The following PARVG variants were observed in gnomAD, a reference collection of about 807,000 sequenced individuals.
PARVG encodes the protein gamma-parvin.
In PARVG, 36 loss-of-function variants were observed where a neutral mutation model predicts 44.4. The ratio of observed to expected loss-of-function variants is 0.81; its 90% CI spans 0.62 to 1.07. The LOEUF (loss-of-function observed/expected upper bound fraction) is 1.07, where lower values mean the gene tolerates loss of function less well. PARVG is among the 50% of genes least tolerant of loss of function. The pLI is 0.00. For missense variants in PARVG, 407 were observed against 407.4 expected (o/e 1.00, Z 0.01); for synonymous variants, 170 against 174.1 (o/e 0.98, Z 0.19).
At chr22:44,174,193 A>T (rs1331181569) in intron 1 of PARVG, among the ~76,000 whole-genome samples, 3 of 150,480 alleles carry the variant, frequency 2.0e-5, no homozygotes, top group Admixed American at 1.3e-4. Flanking sequence ...CCCAGAAAGG[A>T]GGGGTGCGGG....
intron 4 of PARVG, chr22:44,186,378 C>T: frequency 2.8e-6 from 1 of 353,954 alleles, no homozygotes; most frequent in Middle Eastern, 4.0e-4. Context: ...GCCACTGGAC[C>T]AGCTCGGCAC....
chr22:44,201,995 C>G (rs528043208), intron 12 of PARVG, among the ~76,000 whole-genome samples: 6 of 152,336 alleles, frequency 3.9e-5, no homozygotes, highest in Middle Eastern at 3.4e-3. Flanking sequence ...ATGGGACAGC[C>G]CTGCAAAGTG....
exon 1 of PARVG, chr22:44,173,034 G>A (rs966305294): frequency 2.0e-5 from 26 of 1,289,662 alleles, no homozygotes; most frequent in South Asian, 7.4e-5. Flanking sequence ...GTGCCAGGGC[G>A]TTGTGACTCC....
intron 12 of PARVG, among the ~76,000 whole-genome samples, chr22:44,204,453 G>A (rs1042479755): frequency 2.6e-5 from 4 of 152,266 alleles, no homozygotes; most frequent in African/African-American, 9.6e-5. Context: ...TGTGTGACTT[G>A]TCCGAGGTCA....
At chr22:44,177,177 G>T (rs1386772491), upstream of PARVG, among the ~76,000 whole-genome samples, 1 of 151,972 alleles carries the variant, frequency 6.6e-6, no homozygotes, top group South Asian at 2.1e-4. Context: ...TGCCTCTCTC[G>T]ATATAATAAT....
intron 12 of PARVG, among the ~76,000 whole-genome samples, chr22:44,202,432 G>A (rs1262968309): frequency 6.6e-6 from 1 of 152,228 alleles, no homozygotes; most frequent in African/African-American, 2.4e-5. Context: ...CAGGGCCTCT[G>A]CTCAATCTGT....
chr22:44,192,369 G>T (rs949569339), intron 8 of PARVG, among the ~76,000 whole-genome samples: 1 of 152,206 alleles, frequency 6.6e-6, no homozygotes, highest in African/African-American at 2.4e-5. Flanking sequence ...TGGGTTTGGG[G>T]TACAGGGCCC....
At chr22:44,203,253 G>A (rs1276988365) in intron 12 of PARVG, among the ~76,000 whole-genome samples, 1 of 152,200 alleles carries the variant, frequency 6.6e-6, no homozygotes, top group Non-Finnish European at 1.5e-5. Context: ...TAGATGACAA[G>A]TATTTTTTTA....
At chr22:44,205,614 G>A (rs1035875398) in intron 12 of PARVG, 143 bp from the exon 13 acceptor site, 21 of 852,890 alleles carry the variant, frequency 2.5e-5, no homozygotes, top group Admixed American at 6.2e-5. Flanking sequence ...GATTGTGGTC[G>A]TGGTCAGGGA....
chr22:44,192,209 C>T, intron 8 of PARVG, 105 bp downstream of exon 8: 1 of 1,326,588 alleles, frequency 7.5e-7, no homozygotes, highest in Non-Finnish European at 1.0e-6. Flanking sequence ...GGGAAGGGCC[C>T]TCACATTCTG....
intron 5 of PARVG, 125 bp from the exon 6 acceptor site, chr22:44,188,989 A>T: frequency 7.5e-7 from 1 of 1,327,924 alleles, no homozygotes; most frequent in Non-Finnish European, 1.0e-6. Context: ...GTCCAACACC[A>T]AGAATGGGCT....
Position 44,208,467 on chromosome 22 carries a change from G to A in PARVG, c.*2041G>A, listed in dbSNP as rs1003393939. 6.6e-6 allele frequency: 1 copy of A among 152,162 alleles called. No individual in the cohort carries two copies. The highest frequency in any genetic ancestry group is 1.5e-5 in the Non-Finnish European group (1 of 68,024). 9.4% of individuals were successfully genotyped at this position (152,162 alleles called of 1,614,324 possible). On this transcript the variant is annotated 3_prime_UTR_variant, in exon 14 of 14. Transcript: ENST00000444313. ...AATTTCTTATAAACTGTATCCTATG[G>A]TATGTTGCTTTTTGTGTCTGATTTC...
rs113146799 is a variant in PARVG, at chr22:44,190,483, G to T, written c.389-68G>T. On this transcript the variant is annotated intron_variant, in intron 6 of 13. Coordinates refer to ENST00000444313, the MANE Select transcript of PARVG (RefSeq NM_022141.7). ...TGCAGATGGTTGTTCTGACAGTGAG[G>T]AAGCCTCCATTTGGCTGCACGTTTT... The T allele has an allele frequency of 1.3e-4, 153 of 1,177,468 alleles. No individual in the cohort carries two copies. The African/African-American group carries it at 1.8e-3, about 14-fold the overall frequency. The allele number at this position is 1,177,468 out of a possible 1,614,324, so 72.9% of individuals were successfully genotyped here.
intron 5 of PARVG, chr22:44,188,263 A>G (rs2147224962): frequency 4.6e-6 from 1 of 218,636 alleles, no homozygotes; most frequent in Non-Finnish European, 9.4e-6. Context: ...GGCTGGGGGC[A>G]GGGCTGGGCT....
intron 11 of PARVG, among the ~76,000 whole-genome samples, chr22:44,196,732 G>C (rs1231761250): frequency 2.0e-5 from 3 of 152,194 alleles, no homozygotes; most frequent in Non-Finnish European, 4.4e-5. Flanking sequence ...AAGCATATGA[G>C]TCTTCCCTGC....
In PARVG at chr22:44,185,793, C is replaced by T. The variant is rs746967455; in HGVS notation, c.80-15C>T. The T allele has an allele frequency of 1.2e-6, 2 of 1,611,366 alleles. No homozygotes were observed. Among genetic ancestry groups the T allele is most frequent in the East Asian group, 2.2e-5 (1 of 44,768 alleles). On this transcript the variant is annotated splice_polypyrimidine_tract_variant and intron_variant, in intron 3 of 13. Coordinates refer to ENST00000444313, the MANE Select transcript of PARVG (RefSeq NM_022141.7). ...CAGGGTCCCCATGCGCTTGTCATAC[C>T]CACTCTGCTTCCAGGAGGAAAGAAG...
intron 3 of PARVG, chr22:44,184,147 A>G (rs1371264940): frequency 6.5e-6 from 1 of 152,886 alleles, no homozygotes; most frequent in Non-Finnish European, 1.5e-5. Context: ...TCTGAAAGAA[A>G]CAAATGAACA....
chr22:44,205,898 C>G lies in PARVG; in HGVS notation c.886+69C>G, dbSNP rs987442861. On this transcript the variant is annotated intron_variant, in intron 13 of 13. Transcript: ENST00000444313. ...GCAGCCTTGTGCGAGAGCCACAGAA[C>G]AGGGTGCAGGGCATTGGGGGATGAG... 6.5e-6 allele frequency: 10 copies of G among 1,537,642 alleles called. No individual in the cohort carries two copies. In the African/African-American group the frequency reaches 1.4e-4, roughly 21 times the overall value.
chr22:44,178,229 T>G (rs993735072), upstream of PARVG, among the ~76,000 whole-genome samples: 1 of 152,242 alleles, frequency 6.6e-6, no homozygotes, highest in Admixed American at 6.5e-5. Context: ...GCAGCTTTTC[T>G]GTGAGTTTGA....
Sources: gnomAD v4.1 joint callset for allele counts (sites outside exome capture counted in the v4.1 genomes callset) on GRCh38, gnomAD v4.1.1 for gene constraint, MANE v1.5 for transcripts, NCBI Gene and HGNC (gene_info 2026-07-23, HGNC 2026-07-21) for gene names.